Variants in SAMMSON observed in about 807,000 individuals in gnomAD.
The protein encoded by SAMMSON is survival associated mitochondrial melanoma specific oncogenic non-coding RNA.
intron 5 of SAMMSON, chr3:70,249,258 A>G (rs1701736950): frequency 6.6e-6 from 1 of 152,124 alleles, no homozygotes; most frequent in South Asian, 2.1e-4. Context: ...AAGGGACAGA[A>G]CTGGATTCAT....
At chr3:70,125,850 T>C in intron 4 of SAMMSON, 2 of 672,014 alleles carry the variant, frequency 3.0e-6, no homozygotes, top group Non-Finnish European at 5.4e-6. Context: ...GTTTGTTCAT[T>C]TTCTGTTGGT....
intron 7 of SAMMSON, chr3:70,292,069 C>G (rs1025007142): frequency 1.3e-5 from 2 of 152,156 alleles, no homozygotes; most frequent in Non-Finnish European, 2.9e-5. Flanking sequence ...TTGTATAAAA[C>G]TATTCCTTTA....
chr3:70,421,705 C>T (rs1312201540), intron 2 of SAMMSON, among the ~76,000 whole-genome samples: 4 of 152,072 alleles, frequency 2.6e-5, no homozygotes. Flanking sequence ...TTTTTGCCTC[C>T]TGATAGAATA....
chr3:70,159,991 G>T (rs72941510), intron 4 of SAMMSON, among the ~76,000 whole-genome samples: 18,059 of 151,924 alleles, frequency 0.12, 1,113 homozygotes, highest in South Asian at 0.22. Flanking sequence ...CTTATTTTTT[G>T]ATTAGATTGT....
At position 70,134,323 on chromosome 3, in the gene SAMMSON, G is replaced by A. The variant is rs2067496973; in HGVS notation, n.507+62758G>A. Among the ~76,000 whole-genome samples, 6 of 149,244 alleles carry A rather than the reference G, an allele frequency of 4.0e-5. No homozygotes were observed. In the South Asian group the frequency reaches 1.1e-3, roughly 26 times the overall value. ...GAAGTTTGTGCCCAGTAGTGTTCCT[G>A]ATACATAGAAAGTATTCAATAAATG... On this transcript the variant is annotated intron_variant and non_coding_transcript_variant, in intron 4 of 9. Transcript: ENST00000642114.
intron 1 of SAMMSON, among the ~76,000 whole-genome samples, chr3:70,001,990 C>T (rs2066907617): frequency 6.6e-6 from 1 of 152,092 alleles, no homozygotes; most frequent in Non-Finnish European, 1.5e-5. Flanking sequence ...TGCTTGTAAA[C>T]AAAGAGAGTT....
intron 7 of SAMMSON, among the ~76,000 whole-genome samples, chr3:70,334,877 A>C (rs1448380430): frequency 6.6e-6 from 1 of 152,130 alleles, no homozygotes; most frequent in Non-Finnish European, 1.5e-5. Flanking sequence ...ATGGACAAAC[A>C]AAAGAAATAC....
chr3:70,431,514 A>T (rs1464955233), intron 2 of SAMMSON, among the ~76,000 whole-genome samples: 1 of 152,094 alleles, frequency 6.6e-6, no homozygotes. Flanking sequence ...CTCTAAAAAA[A>T]TTAGTTTGGA....
intron 4 of SAMMSON, among the ~76,000 whole-genome samples, chr3:70,246,518 A>C (rs1034823394): frequency 6.6e-6 from 1 of 152,146 alleles, no homozygotes; most frequent in African/African-American, 2.4e-5. Context: ...CTTATCAAAC[A>C]GAAACACGAG....
At chr3:70,105,143 AT>A (rs1344856933) in intron 4 of SAMMSON, among the ~76,000 whole-genome samples, 1 of 152,178 alleles carries the variant, frequency 6.6e-6, no homozygotes, top group Non-Finnish European at 1.5e-5. Flanking sequence ...TGTAACCCCA[AT>A]TTTAAAAGAT....
intron 3 of SAMMSON, among the ~76,000 whole-genome samples, chr3:70,022,279 G>A (rs182345331): frequency 2.1e-5 from 3 of 140,864 alleles, no homozygotes; most frequent in South Asian, 2.5e-4. Context: ...GTTGCCGGGT[G>A]GGGGGAGGGA....
intron 2 of SAMMSON, among the ~76,000 whole-genome samples, chr3:70,426,354 C>T (rs963547128): frequency 2.6e-5 from 4 of 152,170 alleles, no homozygotes; most frequent in Non-Finnish European, 5.9e-5. Flanking sequence ...TGCAAACAAC[C>T]ACTATGACTG....
intron 3 of SAMMSON, among the ~76,000 whole-genome samples, chr3:70,058,423 C>T (rs575424297): frequency 6.6e-6 from 1 of 152,044 alleles, no homozygotes; most frequent in Admixed American, 6.6e-5. Context: ...CCAGATCTAA[C>T]AAAAAGGTCT....
intron 4 of SAMMSON, among the ~76,000 whole-genome samples, chr3:70,092,730 C>T (rs920473377): frequency 2.0e-5 from 3 of 151,942 alleles, no homozygotes; most frequent in Admixed American, 6.6e-5. Flanking sequence ...TTTTAATTAC[C>T]TGTTCACTTG....
intron 1 of SAMMSON, among the ~76,000 whole-genome samples, chr3:70,008,732 T>C (rs1050431958): frequency 3.3e-5 from 5 of 152,210 alleles, no homozygotes; most frequent in Non-Finnish European, 5.9e-5. Flanking sequence ...TCAAAGGGAA[T>C]GCTTCCAGTT....
intron 4 of SAMMSON, among the ~76,000 whole-genome samples, chr3:70,184,392 A>G (rs932640696): frequency 6.6e-5 from 10 of 152,200 alleles, no homozygotes; most frequent in Admixed American, 2.0e-4. Context: ...TCCATAAAGT[A>G]TCTGCTTCAC....
rs192024984 is a variant in SAMMSON, at chr3:70,144,551, G to A, written n.507+72986G>A. ...CTGAACTTTATCTAAAATGTCCTCC[G>A]AAATATACTTAAGAAATAAAAATCT... On this transcript the variant is annotated intron_variant and non_coding_transcript_variant, in intron 4 of 9. Coordinates refer to ENST00000642114, the Ensembl canonical transcript of SAMMSON. 5.9e-5 allele frequency among the ~76,000 whole-genome samples: 9 copies of A among 152,134 alleles called. No individual in the cohort carries two copies. In the East Asian group the frequency reaches 7.7e-4, roughly 13 times the overall value.
intron 4 of SAMMSON, among the ~76,000 whole-genome samples, chr3:70,243,469 T>C (rs1701679505): frequency 6.6e-6 from 1 of 152,176 alleles, no homozygotes; most frequent in African/African-American, 2.4e-5. Context: ...TCCTACTCAC[T>C]GCACTGCTGC....
chr3:70,268,029 TCTCCTC>T (rs201481273), intron 6 of SAMMSON, among the ~76,000 whole-genome samples: 10 of 149,448 alleles, frequency 6.7e-5, no homozygotes, highest in Middle Eastern at 3.4e-3. Context: ...TCTTCCTCTT[TCTCCTC>T]CTCCTCCTCC....
Sources: allele counts gnomAD v4.1 joint callset (sites outside exome capture counted in the v4.1 genomes callset), GRCh38; gene constraint gnomAD v4.1.1; transcripts MANE v1.5; gene names NCBI Gene and HGNC (gene_info 2026-07-23, HGNC 2026-07-21).